Variants in SNX8 observed in about 807,000 individuals in gnomAD.
The protein encoded by SNX8 is sorting nexin 8, also known as sorting nexin-8.
SNX8 carries 25 observed loss-of-function variants against 51.6 expected under a neutral mutation model. The ratio of observed to expected loss-of-function variants is 0.48; its 90% confidence interval spans 0.35 to 0.68. The LOEUF (loss-of-function observed/expected upper bound fraction) is 0.68. SNX8 is among the 30% of genes least tolerant of loss of function. SNX8 has a pLI of 0.00. For synonymous variants in SNX8, 324 were observed against 277.0 expected (o/e 1.17, Z -1.68); for missense variants, 695 against 624.0 (o/e 1.11, Z -1.21).
intron 1 of SNX8, among the ~76,000 whole-genome samples, chr7:2,293,790 C>T (rs1225675010): frequency 2.1e-5 from 3 of 143,950 alleles, no homozygotes; most frequent in Non-Finnish European, 3.0e-5. Context: ...TGGTGAAATC[C>T]CGTCTCTACT....
intron 1 of SNX8, among the ~76,000 whole-genome samples, chr7:2,297,485 G>C (rs529871995): frequency 2.8e-4 from 40 of 143,440 alleles, no homozygotes; most frequent in African/African-American, 1.0e-3. Flanking sequence ...AAGAGGGACA[G>C]GTTGCAGTGA....
rs35446427 is a variant in SNX8 at position 2,295,402 on chromosome 7, CAAAAAA to C, written c.95-17103_95-17098del. Among the ~76,000 whole-genome samples the C allele has an allele frequency of 1.1e-3, 98 of 91,900 alleles. 1 individual carries two copies. The highest frequency in any genetic ancestry group is 0.015 in the Middle Eastern group (2 of 134). 60.3% of individuals were successfully genotyped at this position (91,900 alleles called of 152,430 possible). A position where few individuals can be genotyped will look rare whatever the true frequency, so the allele number is the denominator to read the frequency against. Reference sequence around the variant, plus strand: ...CGGGTAACAGAGGGATACTCCATCTCAAAAAAAAAAAAAAAAAAGAGGCCAGGCACG... The same window carrying C: ...CGGGTAACAGAGGGATACTCCATCTCAAAAAAAAAAAAGAGGCCAGGCACG... On this transcript the variant is annotated intron_variant, in intron 1 of 10. Transcript: ENST00000222990.
At chr7:2,267,987 G>A (rs1452651470) in intron 5 of SNX8, among the ~76,000 whole-genome samples, 11 of 147,378 alleles carry the variant, frequency 7.5e-5, no homozygotes, top group Non-Finnish European at 1.0e-4. Context: ...TGTGAGGAGC[G>A]CCTCTGCCCG....
At chr7:2,296,893 G>A (rs941498016) in intron 1 of SNX8, among the ~76,000 whole-genome samples, 1 of 151,878 alleles carries the variant, frequency 6.6e-6, no homozygotes, top group African/African-American at 2.4e-5. Context: ...TCACGCCATT[G>A]CACTCCAGCC....
chr7:2,346,547 A>ATT (rs1490230454), intron 1 of SNX8, among the ~76,000 whole-genome samples: 1 of 151,694 alleles, frequency 6.6e-6, no homozygotes, highest in African/African-American at 2.4e-5. Context: ...GGAGATCGAG[A>ATT]CCATCCTGGC....
intron 1 of SNX8, among the ~76,000 whole-genome samples, chr7:2,298,668 C>G (rs903288923): frequency 1.3e-5 from 2 of 150,270 alleles, no homozygotes; most frequent in African/African-American, 4.9e-5. Context: ...CCACACCCAA[C>G]CTGGGTTTTG....
At chr7:2,302,254 C>T (rs961340465) in intron 1 of SNX8, among the ~76,000 whole-genome samples, 9 of 152,214 alleles carry the variant, frequency 5.9e-5, no homozygotes, top group African/African-American at 1.7e-4. Context: ...AGGCTCGCGC[C>T]GCCACGCCTG....
intron 1 of SNX8, among the ~76,000 whole-genome samples, chr7:2,281,826 C>A (rs1031652205): frequency 9.9e-5 from 15 of 152,166 alleles, no homozygotes; most frequent in African/African-American, 2.9e-4. Flanking sequence ...CTGTTCAAAT[C>A]CGTGCGGTGG....
intron 1 of SNX8, among the ~76,000 whole-genome samples, chr7:2,348,338 C>CTTTTT (rs59761780): frequency 1.7e-4 from 16 of 93,672 alleles, no homozygotes; most frequent in African/African-American, 4.3e-4. Flanking sequence ...TTCTTTCTTT[C>CTTTTT]TTTTTTTTTT....
chr7:2,256,630 TCTCCCTGTCTGCTC>T (rs537492764), intron 10 of SNX8, among the ~76,000 whole-genome samples: 1 of 152,152 alleles, frequency 6.6e-6, no homozygotes, highest in Admixed American at 6.5e-5. Flanking sequence ...GGAGGCAAAC[TCTCCCTGTCTGCTC>T]CTCCCTCCGC....
rs1796623631 is a variant in SNX8, at chr7:2,309,734, A to C, written c.94+4594T>G. On this transcript the variant is annotated intron_variant, in intron 1 of 10. Coordinates refer to ENST00000222990, the MANE Select transcript of SNX8 (RefSeq NM_013321.4). ...CAACAAGAGCGAGACTCCATCTCAA[A>C]AAAAAAAAAGTATAAACTTTAAGTG... 51 of 455,024 alleles carry C rather than the reference A, an allele frequency of 1.1e-4. 1 individual carries two copies. Among genetic ancestry groups the C allele is most frequent in the South Asian group, 8.0e-4 (50 of 62,514 alleles). The allele number at this position is 455,024 out of a possible 1,614,324, so 28.2% of individuals were successfully genotyped here.
At chr7:2,302,504 A>G (rs1490671929) in intron 1 of SNX8, among the ~76,000 whole-genome samples, 1 of 152,222 alleles carries the variant, frequency 6.6e-6, no homozygotes, top group African/African-American at 2.4e-5. Flanking sequence ...CCGAGATTGC[A>G]GCCTCTGCCC....
intron 1 of SNX8, among the ~76,000 whole-genome samples, chr7:2,284,351 G>A (rs959233378): frequency 1.0e-4 from 15 of 150,212 alleles, no homozygotes; most frequent in South Asian, 4.2e-4. Context: ...CCCCGCCCCC[G>A]AAGTAGAATG....
chr7:2,344,746 C>G (rs1297872641), intron 1 of SNX8, among the ~76,000 whole-genome samples: 2 of 151,840 alleles, frequency 1.3e-5, no homozygotes, highest in Non-Finnish European at 2.9e-5. Flanking sequence ...CAGGATGAAA[C>G]CGCATCTATA....
chr7:2,255,002 G>A lies in SNX8; in HGVS notation c.*54C>T, dbSNP rs560095745. ...AAAGGGAATTACACCGGGACACACC[G>A]TTTGGAAAGAGGTTTTAGTGCGGCC... On this transcript the variant is annotated 3_prime_UTR_variant, in exon 11 of 11. Coordinates refer to ENST00000222990, the MANE Select transcript of SNX8 (RefSeq NM_013321.4). 4.1e-5 allele frequency: 48 copies of A among 1,184,140 alleles called. No individual in the cohort carries two copies. Among genetic ancestry groups the A allele is most frequent in the African/African-American group, 2.6e-4 (17 of 66,050 alleles). 73.4% of individuals were successfully genotyped at this position (1,184,140 alleles called of 1,614,324 possible).
intron 1 of SNX8, among the ~76,000 whole-genome samples, chr7:2,348,358 T>G (rs1166435815): frequency 9.5e-6 from 1 of 105,116 alleles, no homozygotes; most frequent in Non-Finnish European, 2.0e-5. Flanking sequence ...TTTTTTTTTT[T>G]GAGACAGAGT....
rs116058041 is a variant in SNX8 at position 2,263,676 on chromosome 7, G to A, written c.783-314C>T. On this transcript the variant is annotated intron_variant, in intron 6 of 10. Transcript: ENST00000222990. ...TCTCCCCTCCCCTCAGGCAAAGGAA[G>A]CGCTGCCAGCCCATGGTCTGTTCTT... Among the ~76,000 whole-genome samples the A allele has an allele frequency of 4.4e-3, 668 of 152,258 alleles. 6 individuals are homozygous for A. Among genetic ancestry groups the A allele is most frequent in the African/African-American group, 0.016 (652 of 41,562 alleles).
intron 1 of SNX8, chr7:2,309,956 C>T (rs1310702596): frequency 4.5e-6 from 2 of 447,628 alleles, no homozygotes; most frequent in Non-Finnish European, 9.2e-6. Flanking sequence ...CTCAAGGAGT[C>T]ATCGCCAGGT....
chr7:2,320,629 T>C (rs756253826), intron 1 of SNX8, among the ~76,000 whole-genome samples: 4 of 151,118 alleles, frequency 2.6e-5, no homozygotes, highest in Non-Finnish European at 5.9e-5. Context: ...AAGGCTGAGG[T>C]AGGAGGATCG....
Sources: gnomAD v4.1 joint callset for allele counts (sites outside exome capture counted in the v4.1 genomes callset) on GRCh38, gnomAD v4.1.1 for gene constraint, MANE v1.5 for transcripts, NCBI Gene and HGNC (gene_info 2026-07-23, HGNC 2026-07-21) for gene names.